The following FREM3 variants were observed in gnomAD, a reference collection of about 807,000 sequenced individuals.
FREM3 encodes the protein FRAS1-related extracellular matrix protein 3.
A neutral mutation model predicts 129.1 loss-of-function variants in FREM3; 105 were observed. That is an observed-to-expected ratio of 0.81 (90% CI 0.69 to 0.96). The LOEUF (loss-of-function observed/expected upper bound fraction) is 0.96. Among genes scored for constraint, FREM3 ranks in the 40% least tolerant of loss-of-function variants. FREM3 has a pLI of 0.00. For missense variants in FREM3, 2,593 were observed against 2,666.3 expected, an observed-to-expected ratio of 0.97 and a Z score of 0.61; for synonymous variants, 1,014 against 1,044.9, an observed-to-expected ratio of 0.97 and a Z score of 0.57.
chr4:143,700,520 A>C lies in FREM3; in HGVS notation c.156T>G (p.Leu52=), dbSNP rs1361122372. The change falls in exon 1 of 8, where the codon CTT becomes CTG. Residue 52 remains leucine (L), a synonymous_variant. Transcript: ENST00000329798. ...TGGGGCCGTCGGGGCGAGTGCCGTCAAGCGCACCCCGGGCGGGCAGGTAAA... is the reference window on the plus strand; with the variant it reads ...TGGGGCCGTCGGGGCGAGTGCCGTCCAGCGCACCCCGGGCGGGCAGGTAAA... ...PALYLPARGA[L]DGTRPDGPSV... is the part of the protein sequence containing the mutation. 2.2e-5 allele frequency: 33 copies of C among 1,518,478 alleles called. No homozygotes were observed. Among genetic ancestry groups the C allele is most frequent in the Non-Finnish European group, 2.7e-5 (31 of 1,136,408 alleles). 94.1% of individuals were successfully genotyped at this position (1,518,478 alleles called of 1,614,324 possible).
intron 6 of FREM3, among the ~76,000 whole-genome samples, chr4:143,587,991 T>A (rs1738271637): frequency 6.6e-6 from 1 of 152,190 alleles, no homozygotes; most frequent in Non-Finnish European, 1.5e-5. Flanking sequence ...TCTGCCTTGA[T>A]AAACTCCAGG....
chr4:143,630,485 C>G (rs1739117051), intron 2 of FREM3, among the ~76,000 whole-genome samples: 1 of 152,018 alleles, frequency 6.6e-6, no homozygotes, highest in African/African-American at 2.4e-5. Context: ...TTTTGCCTGC[C>G]CCCATACCAG....
chr4:143,684,278 A>T (rs1740314663), intron 2 of FREM3, among the ~76,000 whole-genome samples: 1 of 152,132 alleles, frequency 6.6e-6, no homozygotes, highest in South Asian at 2.1e-4. Context: ...CTTCCAACGG[A>T]ACAGGAACTG....
At chr4:143,659,668 C>T (rs1014375628) in intron 2 of FREM3, among the ~76,000 whole-genome samples, 3 of 75,290 alleles carry the variant, frequency 4.0e-5, no homozygotes, top group Admixed American at 2.3e-4. Context: ...CTGACTTCCA[C>T]AATGGTTGAA....
rs1352236088 is a variant in FREM3, at chr4:143,696,581, C to T, written c.4095G>A (p.Val1365=). ...TCATTCCCAGAGTAAGATTGTTCCT[C>T]ACTTCTCCTCTGGGTTTTCTCAGCC... ...LQRLRKPRGE[V]RNNLTLGMNF... is the part of the protein sequence containing the mutation. Residue 1365 remains valine (V), a synonymous_variant, in exon 1 of 8, where the codon GTG becomes GTA. Transcript: ENST00000329798. 3.3e-6 allele frequency: 5 copies of T among 1,537,540 alleles called. No homozygotes were observed. The East Asian group carries it at 7.3e-5, about 23-fold the overall frequency.
chr4:143,682,314 G>T, intron 2 of FREM3, among the ~76,000 whole-genome samples: 1 of 152,160 alleles, frequency 6.6e-6, no homozygotes, highest in East Asian at 1.9e-4. Flanking sequence ...GCAGACAGGA[G>T]ATTGGCTGTC....
intron 5 of FREM3, among the ~76,000 whole-genome samples, chr4:143,612,293 A>G (rs746612951): frequency 2.0e-5 from 3 of 152,220 alleles, no homozygotes; most frequent in Non-Finnish European, 4.4e-5. Context: ...TTGCATCATT[A>G]TAGATTTATT....
rs1256156392 is a variant in FREM3, at chr4:143,696,594, G to A, written c.4082C>T (p.Pro1361Leu). ...AAGATTGTTCCTCACTTCTCCTCTG[G>A]GTTTTCTCAGCCTCTGTAGAAGCCC... is the stretch of plus-strand genomic sequence containing the variant. The part of the protein sequence containing the change: ...QQGLLQRLRK[P>L]RGEVRNNLTL... Residue 1361 changes from proline (P) to leucine (L), a missense_variant, in exon 1 of 8, where the codon CCC becomes CTC. Transcript: ENST00000329798. The A allele has an allele frequency of 1.3e-6, 2 of 1,537,570 alleles. No homozygotes were observed. Among genetic ancestry groups the A allele is most frequent in the East Asian group, 2.4e-5 (1 of 40,902 alleles).
chr4:143,676,091 A>C (rs1057342771), intron 2 of FREM3, among the ~76,000 whole-genome samples: 5 of 152,226 alleles, frequency 3.3e-5, no homozygotes, highest in Admixed American at 3.3e-4. Flanking sequence ...ACAACAAAGA[A>C]AGAGAATTTT....
chr4:143,685,568 A>G (rs572560525), intron 2 of FREM3, among the ~76,000 whole-genome samples: 49 of 152,336 alleles, frequency 3.2e-4, no homozygotes, highest in African/African-American at 1.2e-3. Flanking sequence ...ATCAGACAGG[A>G]CCTATAAAAC....
intron 2 of FREM3, among the ~76,000 whole-genome samples, chr4:143,674,347 A>T (rs866766521): frequency 1.3e-5 from 2 of 152,170 alleles, no homozygotes; most frequent in African/African-American, 2.4e-5. Flanking sequence ...CTGCTGAGAG[A>T]TTTTGTCACC....
intron 6 of FREM3, among the ~76,000 whole-genome samples, chr4:143,592,462 C>T (rs1278107045): frequency 4.6e-5 from 7 of 152,162 alleles, no homozygotes; most frequent in Non-Finnish European, 1.0e-4. Context: ...TCAGCATTTG[C>T]TTGTCTGTGA....
intron 2 of FREM3, among the ~76,000 whole-genome samples, chr4:143,674,844 G>T (rs1247517844): frequency 6.6e-6 from 1 of 152,096 alleles, no homozygotes; most frequent in Non-Finnish European, 1.5e-5. Flanking sequence ...AGAGCTAACT[G>T]TCCTAAATAT....
Position 143,682,167 on chromosome 4 carries a change from A to C in FREM3, c.5275+10946T>G, listed in dbSNP as rs536833510. 3.4e-3 allele frequency among the ~76,000 whole-genome samples: 522 copies of C among 152,328 alleles called. 5 individuals carry two copies. The highest frequency in any genetic ancestry group is 5.1e-3 in the Non-Finnish European group (347 of 68,034). ...AAATTTGGTATCCTAGTGAGGCAAG[A>C]GAATAGGGTCTGGAGGCAGGGGACC... On this transcript the variant is annotated intron_variant, in intron 2 of 7. Coordinates refer to ENST00000329798, the MANE Select transcript of FREM3 (RefSeq NM_001168235.2).
intron 2 of FREM3, among the ~76,000 whole-genome samples, chr4:143,656,048 AT>A (rs1239078033): frequency 1.3e-5 from 2 of 152,236 alleles, no homozygotes; most frequent in African/African-American, 4.8e-5. Flanking sequence ...GATCTCAGGC[AT>A]AGGTTATTGA....
intron 6 of FREM3, among the ~76,000 whole-genome samples, chr4:143,610,808 G>A (rs142692785): frequency 3.9e-5 from 6 of 152,276 alleles, no homozygotes; most frequent in African/African-American, 1.4e-4. Context: ...GCTCCCCAGG[G>A]ACTGGAGGCA....
intron 5 of FREM3, among the ~76,000 whole-genome samples, 185 bp from the exon 6 acceptor site, chr4:143,611,712 G>T (rs1738758785): frequency 6.6e-6 from 1 of 152,110 alleles, no homozygotes; most frequent in Non-Finnish European, 1.5e-5. Context: ...CTGGTATTTT[G>T]ACATGATCTA....
At chr4:143,613,120 G>A (rs1411255604) in intron 5 of FREM3, among the ~76,000 whole-genome samples, 1 of 152,212 alleles carries the variant, frequency 6.6e-6, no homozygotes, top group Non-Finnish European at 1.5e-5. Context: ...GACTCACAAA[G>A]TGTTTCAGAA....
chr4:143,699,117 C>T lies in FREM3; in HGVS notation c.1559G>A (p.Arg520Gln), dbSNP rs532088660. 1.6e-5 allele frequency: 24 copies of T among 1,537,426 alleles called. No individual in the cohort carries two copies. Among genetic ancestry groups the T allele is most frequent in the Middle Eastern group, 1.7e-4 (1 of 5,990 alleles). Reference protein sequence around the residue: ...SNTYSDNIIFRMEDGHHQVDF... With the variant: ...SNTYSDNIIFQMEDGHHQVDF... ...CACTTGGTGGTGCCCGTCCTCCATC[C>T]GGAAGATGATATTGTCACTGTAGGT... Residue 520 changes from arginine to glutamine, a missense_variant, in exon 1 of 8, where the codon CGG (arginine) becomes CAG (glutamine). This residue lies in a region of FREM3 where 2,276 missense variants were observed against 2,267.2 expected (regional missense o/e 1.00). Transcript: ENST00000329798. This position sits in a 1 kb window ranked among gnomAD's most constrained non-coding sequence, Gnocchi z 4.2.
Sources: gnomAD v4.1 joint callset for allele counts (sites outside exome capture counted in the v4.1 genomes callset) on GRCh38, gnomAD v4.1.1 for gene constraint, gnomAD v4.1.1 regional missense constraint, Gnocchi (gnomAD v3.1) non-coding constraint, MANE v1.5 for transcripts, NCBI Gene and HGNC (gene_info 2026-07-23, HGNC 2026-07-21) for gene names.